AKT3: variants seen among roughly 807,000 people sequenced by gnomAD.
The protein encoded by AKT3 is RAC-gamma serine/threonine-protein kinase.
A neutral mutation model predicts 65.3 loss-of-function variants in AKT3; 15 were observed. The observed-to-expected ratio is 0.23, with a 90% confidence interval of 0.15 to 0.35. The LOEUF is 0.35. AKT3 is among the 10% of genes least tolerant of loss of function. The pLI is 1.00. For missense variants in AKT3, 243 were observed against 576.5 expected, an observed-to-expected ratio of 0.42 and a Z score of 5.92; for synonymous variants, 206 against 183.8, an observed-to-expected ratio of 1.12 and a Z score of -0.98.
chr1:243,652,608 T>C (rs1468607416), intron 4 of AKT3, among the ~76,000 whole-genome samples: 1 of 151,768 alleles, frequency 6.6e-6, no homozygotes, highest in Non-Finnish European at 1.5e-5. Flanking sequence ...TAACCTTAAA[T>C]GTAAATGGGC....
At chr1:243,588,269 G>A (rs948067650) in intron 8 of AKT3, among the ~76,000 whole-genome samples, 4 of 152,102 alleles carry the variant, frequency 2.6e-5, no homozygotes, top group Admixed American at 6.6e-5. Context: ...AGGACAAGCA[G>A]AGAAGGAAAG....
chr1:243,609,006 C>G (rs539891974), intron 8 of AKT3, among the ~76,000 whole-genome samples: 1 of 151,940 alleles, frequency 6.6e-6, no homozygotes, highest in Admixed American at 6.5e-5. Flanking sequence ...CCCGCCTCAG[C>G]CTCCCAAAGT....
At chr1:243,499,639 GGTTT>G (rs1669009950), downstream of AKT3, 1 of 825,006 alleles carries the variant, frequency 1.2e-6, no homozygotes, top group Non-Finnish European at 2.1e-6. Context: ...TTTAGCAACA[GGTTT>G]TTTTCTCCAA....
intron 2 of AKT3, among the ~76,000 whole-genome samples, chr1:243,837,276 A>T (rs1413826180): frequency 2.0e-5 from 3 of 152,234 alleles, no homozygotes; most frequent in Admixed American, 2.0e-4. Flanking sequence ...ATGACACAAG[A>T]GGAAATAGAA....
intron 3 of AKT3, among the ~76,000 whole-genome samples, chr1:243,676,525 T>A (rs974371286): frequency 4.6e-5 from 7 of 152,186 alleles, no homozygotes; most frequent in Non-Finnish European, 1.0e-4. Context: ...TCCATCCCCA[T>A]ATGGCAAAAC....
chr1:243,648,022 C>A (rs1313772037), intron 4 of AKT3, among the ~76,000 whole-genome samples: 2 of 152,064 alleles, frequency 1.3e-5, no homozygotes, highest in Admixed American at 6.5e-5. Flanking sequence ...CTTTGGGAGA[C>A]TGAGGTGGGC....
At position 243,506,424 on chromosome 1, in the gene AKT3, G is replaced by A. The variant is rs1669671772; in HGVS notation, c.1355-1090C>T. ...TTTTTTGAATATTCTAACCTCTCCAGGGAGCATCCGCTGGATGTGGGTGTA... is the reference window on the plus strand; with the variant it reads ...TTTTTTGAATATTCTAACCTCTCCAAGGAGCATCCGCTGGATGTGGGTGTA... On this transcript the variant is annotated intron_variant, in intron 13 of 13. Transcript: ENST00000673466. Among the ~76,000 whole-genome samples the A allele has an allele frequency of 2.0e-5, 3 of 152,338 alleles. No individual in the cohort carries two copies. The South Asian group carries it at 6.2e-4, about 32-fold the overall frequency.
At chr1:243,744,696 G>A (rs1201955685) in intron 2 of AKT3, among the ~76,000 whole-genome samples, 3 of 139,512 alleles carry the variant, frequency 2.2e-5, no homozygotes, top group African/African-American at 2.7e-5. Flanking sequence ...CCGAGATCGC[G>A]CCCCTGCACT....
intron 3 of AKT3, among the ~76,000 whole-genome samples, chr1:243,679,196 T>G (rs1280660254): frequency 6.6e-6 from 1 of 152,204 alleles, no homozygotes; most frequent in Non-Finnish European, 1.5e-5. Context: ...ATGTATCAAT[T>G]AACTGTTTAT....
At chr1:243,832,120 T>TAAAAA (rs869235352) in intron 2 of AKT3, among the ~76,000 whole-genome samples, 10 of 44,774 alleles carry the variant, frequency 2.2e-4, no homozygotes, top group Non-Finnish European at 2.7e-4. Flanking sequence ...TCCCTAAAAC[T>TAAAAA]AAAAAAAAAA....
upstream of AKT3, among the ~76,000 whole-genome samples, chr1:243,850,326 G>A (rs534039678): frequency 2.3e-4 from 34 of 147,946 alleles, no homozygotes; most frequent in South Asian, 6.4e-4. Flanking sequence ...CGGCGGGAGG[G>A]GGAGGGAGGA....
chr1:243,518,670 C>A (rs1270900005), intron 12 of AKT3, among the ~76,000 whole-genome samples: 2 of 152,110 alleles, frequency 1.3e-5, no homozygotes, highest in African/African-American at 4.8e-5. Context: ...AGCAGTCCCA[C>A]AAAAATCATC....
chr1:243,758,414 C>T (rs780867891), intron 2 of AKT3, among the ~76,000 whole-genome samples: 1 of 152,110 alleles, frequency 6.6e-6, no homozygotes, highest in Non-Finnish European at 1.5e-5. Flanking sequence ...TAGGGAATAG[C>T]AAGGCTTTAA....
intron 8 of AKT3, among the ~76,000 whole-genome samples, chr1:243,604,375 T>G (rs946691904): frequency 6.6e-6 from 1 of 152,200 alleles, no homozygotes; most frequent in Non-Finnish European, 1.5e-5. Flanking sequence ...TCTAAATGAC[T>G]TGAGAGTGAA....
chr1:243,648,152 G>A (rs1680986065), intron 4 of AKT3, among the ~76,000 whole-genome samples: 1 of 151,878 alleles, frequency 6.6e-6, no homozygotes, highest in Non-Finnish European at 1.5e-5. Flanking sequence ...CAGCTACTCG[G>A]GAGACTGAGA....
At position 243,676,936 on chromosome 1, in the gene AKT3, C is replaced by A. The variant is rs527516170; in HGVS notation, c.173-12053G>T. On this transcript the variant is annotated intron_variant, in intron 3 of 13. Coordinates refer to ENST00000673466, the MANE Select transcript of AKT3 (RefSeq NM_005465.7). ...TAGTAAGATGAGTCCTACCCAAATT[C>A]TTAAACTGTATGTCATTCTCTTCAA... Among the ~76,000 whole-genome samples, 240 of 152,300 alleles carry A rather than the reference C, an allele frequency of 1.6e-3. 2 individuals are homozygous for A. The highest frequency in any genetic ancestry group is 6.8e-3 in the Middle Eastern group (2 of 294).
At position 243,751,148 on chromosome 1, in the gene AKT3, CA is replaced by C. The variant is rs201654564; in HGVS notation, c.47-55433del. ...CAACATAATTTTCTTAAATGCTTCT[CA>C]AAAAAAAAAAGACTCTGAAAGAGAA... On this transcript the variant is annotated intron_variant, in intron 2 of 13. Transcript: ENST00000673466. 1.7e-3 allele frequency among the ~76,000 whole-genome samples: 243 copies of C among 139,752 alleles called. 3 individuals carry two copies. Among genetic ancestry groups the C allele is most frequent in the East Asian group, 0.016 (74 of 4,654 alleles). 91.7% of individuals were successfully genotyped at this position (139,752 alleles called of 152,430 possible).
chr1:243,605,964 T>C (rs1239112267), intron 8 of AKT3, among the ~76,000 whole-genome samples: 3 of 152,206 alleles, frequency 2.0e-5, no homozygotes. Context: ...GATGGTTTTA[T>C]AAGGGGCTTT....
At chr1:243,723,954 T>A (rs1430267168) in intron 2 of AKT3, among the ~76,000 whole-genome samples, 1 of 152,182 alleles carries the variant, frequency 6.6e-6, no homozygotes, top group Non-Finnish European at 1.5e-5. Context: ...TCGTTTTAGA[T>A]GCTGCTGCAA....
Sources: gnomAD v4.1 joint callset for allele counts (sites outside exome capture counted in the v4.1 genomes callset) on GRCh38, gnomAD v4.1.1 for gene constraint, MANE v1.5 for transcripts, NCBI Gene and HGNC (gene_info 2026-07-23, HGNC 2026-07-21) for gene names.